Variants in RORA observed in about 807,000 individuals in gnomAD.
RORA encodes nuclear receptor ROR-alpha.
In RORA, 7 loss-of-function variants were observed where a neutral mutation model predicts 69.5. That is an observed-to-expected ratio of 0.10 (90% CI 0.06 to 0.19). RORA has a LOEUF of 0.19. Among genes scored for constraint, RORA ranks in the 10% least tolerant of loss-of-function variants. The pLI is 1.00. For missense variants in RORA, 457 were observed against 663.0 expected (o/e 0.69, Z 3.41); for synonymous variants, 261 against 240.8 (o/e 1.08, Z -0.78).
At chr15:60,987,753 G>C (rs1894249749) in intron 1 of RORA, among the ~76,000 whole-genome samples, 1 of 152,140 alleles carries the variant, frequency 6.6e-6, no homozygotes, top group Non-Finnish European at 1.5e-5. Flanking sequence ...TAAGTACTGG[G>C]CTGCCTTCAT....
At chr15:60,742,786 C>T (rs2071591599) in intron 1 of RORA, among the ~76,000 whole-genome samples, 1 of 152,112 alleles carries the variant, frequency 6.6e-6, no homozygotes, top group Non-Finnish European at 1.5e-5. Flanking sequence ...CTAGGTCCAT[C>T]CATGTTGTTG....
At chr15:60,563,090 A>G (rs1000390287) in intron 2 of RORA, among the ~76,000 whole-genome samples, 3 of 152,232 alleles carry the variant, frequency 2.0e-5, no homozygotes, top group Admixed American at 6.5e-5. Flanking sequence ...GCGGACACGT[A>G]TAAGTTGAAA....
At chr15:60,711,639 C>T (rs2071145482) in intron 1 of RORA, among the ~76,000 whole-genome samples, 1 of 152,148 alleles carries the variant, frequency 6.6e-6, no homozygotes, top group Admixed American at 6.5e-5. Context: ...CAGAAGCACC[C>T]CTAATGGTGG....
At chr15:61,192,080 C>T (rs1039455552) in intron 1 of RORA, among the ~76,000 whole-genome samples, 2 of 152,152 alleles carry the variant, frequency 1.3e-5, no homozygotes, top group Non-Finnish European at 2.9e-5. Flanking sequence ...AAACAGAGGT[C>T]GTGTCAGCAC....
At chr15:60,565,913 A>C (rs1567091962) in intron 2 of RORA, among the ~76,000 whole-genome samples, 1 of 152,226 alleles carries the variant, frequency 6.6e-6, no homozygotes, top group Non-Finnish European at 1.5e-5. Context: ...ACAGAAGTGA[A>C]TTCTGATACA....
intron 1 of RORA, chr15:61,175,965 T>G (rs1366916319): frequency 6.6e-6 from 1 of 152,226 alleles, no homozygotes; most frequent in Non-Finnish European, 1.5e-5. Context: ...AACCACAGGC[T>G]TCTGCCCTGC....
intron 1 of RORA, among the ~76,000 whole-genome samples, chr15:60,929,089 T>C (rs962212087): frequency 1.3e-5 from 2 of 152,156 alleles, no homozygotes; most frequent in Non-Finnish European, 2.9e-5. Flanking sequence ...CATTGTATGG[T>C]GCCCCTGCTG....
chr15:61,005,711 A>G (rs1894890370), intron 1 of RORA, among the ~76,000 whole-genome samples: 1 of 152,144 alleles, frequency 6.6e-6, no homozygotes, highest in Non-Finnish European at 1.5e-5. Context: ...CAACACAATA[A>G]AGTATACACT....
chr15:60,671,380 A>C (rs2070470134), intron 2 of RORA, among the ~76,000 whole-genome samples: 1 of 152,028 alleles, frequency 6.6e-6, no homozygotes, highest in Non-Finnish European at 1.5e-5. Context: ...ACTTTGAACA[A>C]TTGTTTTATT....
chr15:61,200,911 G>A (rs1333557983), intron 1 of RORA, among the ~76,000 whole-genome samples: 1 of 151,994 alleles, frequency 6.6e-6, no homozygotes, highest in Non-Finnish European at 1.5e-5. Flanking sequence ...TTAAATTGAC[G>A]GTCCCAGGGA....
intron 1 of RORA, among the ~76,000 whole-genome samples, chr15:61,148,814 A>T (rs1186870993): frequency 6.6e-6 from 1 of 152,136 alleles, no homozygotes; most frequent in Non-Finnish European, 1.5e-5. Context: ...GGCCGAGGGG[A>T]AAGGTAACCT....
Position 60,511,252 on chromosome 15 carries a change from G to A in RORA, c.794C>T (p.Ser265Phe). 1 of 1,613,818 alleles carries A rather than the reference G, an allele frequency of 6.2e-7. No individual in the cohort carries two copies. Among genetic ancestry groups the A allele is most frequent in the Non-Finnish European group, 8.5e-7 (1 of 1,179,790 alleles). Reference protein sequence around the residue: ...PYCSFTNGETSPTVSMAELEH... With the variant: ...PYCSFTNGETFPTVSMAELEH... ...TAATTCTGCCATGGACACAGTTGGG[G>A]AAGTCTCGCCGTTGGTGAACGAACA... is the stretch of plus-strand genomic sequence containing the variant. The change falls in exon 5 of 11, where the codon TCC (serine) becomes TTC (phenylalanine). Residue 265 changes from serine to phenylalanine, a missense_variant. By Grantham distance (155) the Ser-to-Phe change is radical (BLOSUM62 -2). This residue lies in a region of RORA where 304 missense variants were observed against 447.4 expected (regional missense o/e 0.68). Transcript: ENST00000335670. The surrounding 1 kb of genome is among the most constrained non-coding windows in gnomAD (Gnocchi z 6.4).
At chr15:60,548,197 A>G (rs1595954022) in intron 2 of RORA, among the ~76,000 whole-genome samples, 1 of 152,240 alleles carries the variant, frequency 6.6e-6, no homozygotes, top group East Asian at 1.9e-4. Context: ...TACTGAAAGT[A>G]GTCGTCGGCA....
At chr15:60,567,204 A>G in intron 2 of RORA, among the ~76,000 whole-genome samples, 1 of 151,220 alleles carries the variant, frequency 6.6e-6, no homozygotes, top group Admixed American at 6.6e-5. Flanking sequence ...AAAAAAAAAA[A>G]GACCTGGTGA....
Position 60,491,308 on chromosome 15 carries a change from T to C in RORA, c.*6147A>G, listed in dbSNP as rs1159846764. 2.6e-5 allele frequency: 4 copies of C among 152,198 alleles called. No homozygotes were observed. 9.4% of individuals were successfully genotyped at this position (152,198 alleles called of 1,614,324 possible). ...TAGTTGTTCTTAGAGAACAACATAA[T>C]GGCATGTGCAACATGTCAAAGCTAA... On this transcript the variant is annotated 3_prime_UTR_variant, in exon 11 of 11. Transcript: ENST00000335670.
chr15:60,804,726 G>A (rs2072636682), intron 1 of RORA, among the ~76,000 whole-genome samples: 1 of 152,182 alleles, frequency 6.6e-6, no homozygotes, highest in African/African-American at 2.4e-5. Context: ...TTAAACAACC[G>A]ATTTCAAGAG....
At chr15:61,108,217 G>GA (rs1199219782) in intron 1 of RORA, among the ~76,000 whole-genome samples, 8 of 152,258 alleles carry the variant, frequency 5.3e-5, no homozygotes, top group Admixed American at 1.3e-4. Flanking sequence ...GAACCAGTCA[G>GA]AAAATAAGGT....
At chr15:61,097,779 T>TA (rs1461883064) in intron 1 of RORA, among the ~76,000 whole-genome samples, 1 of 152,136 alleles carries the variant, frequency 6.6e-6, no homozygotes, top group Non-Finnish European at 1.5e-5. Context: ...TAGTGTTAAT[T>TA]AAGTCTGATA....
intron 1 of RORA, among the ~76,000 whole-genome samples, chr15:60,901,170 A>AT (rs919500925): frequency 3.2e-4 from 48 of 149,730 alleles, no homozygotes; most frequent in Middle Eastern, 3.4e-3. Flanking sequence ...TTGATTCATG[A>AT]TTTTTTTTTT....
Sources: gnomAD v4.1 joint callset for allele counts (sites outside exome capture counted in the v4.1 genomes callset) on GRCh38, gnomAD v4.1.1 for gene constraint, gnomAD v4.1.1 regional missense constraint, Gnocchi (gnomAD v3.1) non-coding constraint, MANE v1.5 for transcripts, NCBI Gene and HGNC (gene_info 2026-07-23, HGNC 2026-07-21) for gene names.